PARP1: variants seen among roughly 807,000 people sequenced by gnomAD.
PARP1 encodes the protein poly [ADP-ribose] polymerase 1.
A neutral mutation model predicts 118.7 loss-of-function variants in PARP1; 44 were observed. The ratio of observed to expected loss-of-function variants is 0.37; its 90% CI spans 0.29 to 0.48. The LOEUF (loss-of-function observed/expected upper bound fraction) is 0.48. PARP1 is among the 20% of genes least tolerant of loss of function. The probability of loss-of-function intolerance (pLI) is 0.99; values close to 1 mark genes in which losing one functional copy is unlikely to be tolerated. For missense variants in PARP1, 1,100 were observed against 1,272.4 expected (o/e 0.86, Z 2.06); for synonymous variants, 492 against 483.2 (o/e 1.02, Z -0.24).
intron 13 of PARP1, among the ~76,000 whole-genome samples, chr1:226,374,615 C>G (rs144054503): frequency 1.3e-5 from 2 of 152,234 alleles, no homozygotes; most frequent in African/African-American, 4.8e-5. Flanking sequence ...ACTGCAGCGT[C>G]TGCATGGGCT....
intron 12 of PARP1, 112 bp downstream of exon 12, chr1:226,379,030 T>A: frequency 7.6e-7 from 1 of 1,320,340 alleles, no homozygotes; most frequent in African/African-American, 1.4e-5. Context: ...TGATTAGATT[T>A]CATTCCCCAG....
chr1:226,407,803 C>T lies in PARP1; in HGVS notation c.120+7G>A, dbSNP rs2102750230. On this transcript the variant is annotated splice_region_variant and intron_variant, in intron 1 of 22. Transcript: ENST00000366794. ...CCCCGCCCCGCCGCCCGCACAGCGG[C>T]CCGCACCTGCACCATGATGGCCATC... The T allele has an allele frequency of 6.4e-7, 1 of 1,561,194 alleles. No homozygotes were observed. Among genetic ancestry groups the T allele is most frequent in the Non-Finnish European group, 8.7e-7 (1 of 1,153,002 alleles).
chr1:226,363,759 T>C (rs752309), intron 20 of PARP1, among the ~76,000 whole-genome samples, 184 bp downstream of exon 20: 123,198 of 152,154 alleles, frequency 0.81, 50,378 homozygotes, highest in Middle Eastern at 0.87. Flanking sequence ...TGAAGTATCC[T>C]TGTATCTCCC....
intron 10 of PARP1, 54 bp from the exon 11 acceptor site, chr1:226,379,695 A>T (rs1664566937): frequency 2.1e-6 from 3 of 1,451,934 alleles, no homozygotes; most frequent in Non-Finnish European, 2.9e-6. Context: ...CTAAAAAGTA[A>T]GGGGAAGGTA....
At chr1:226,377,349 G>T in intron 12 of PARP1, 46 bp from the exon 13 acceptor site, 1 of 1,483,972 alleles carries the variant, frequency 6.7e-7, no homozygotes, top group Non-Finnish European at 9.4e-7. Context: ...TGGGTCAGCT[G>T]TCCCATTTCA....
Position 226,371,386 on chromosome 1 carries a change from C to G in PARP1, c.2071-869G>C, listed in dbSNP as rs535266894. 9.8e-5 allele frequency among the ~76,000 whole-genome samples: 15 copies of G among 152,306 alleles called. 1 individual carries two copies. The South Asian group carries it at 2.9e-3, about 29-fold the overall frequency. On this transcript the variant is annotated intron_variant, in intron 14 of 22. Coordinates refer to ENST00000366794, the MANE Select transcript of PARP1 (RefSeq NM_001618.4). ...TTCCTGCAGTGCTTGGAACAAAGAA[C>G]TGAACAAGAATCTTAGAAATGGAAC...
At position 226,362,773 on chromosome 1, in the gene PARP1, T is replaced by C. The variant is rs1664169368; in HGVS notation, c.2848+326A>G. ...ACTGGTGCCTGCACCAAGATTCTCC[T>C]GTGGCATCTGTGATACCAGCTGCAG... On this transcript the variant is annotated intron_variant, in intron 21 of 22. Coordinates refer to ENST00000366794, the MANE Select transcript of PARP1 (RefSeq NM_001618.4). Among the ~76,000 whole-genome samples, 5 of 152,300 alleles carry C rather than the reference T, an allele frequency of 3.3e-5. No homozygotes were observed. The South Asian group carries it at 1.0e-3, about 32-fold the overall frequency.
Position 226,392,869 on chromosome 1 carries a change from A to G in PARP1, c.287-555T>C. On this transcript the variant is annotated intron_variant, in intron 2 of 22. Coordinates refer to ENST00000366794, the MANE Select transcript of PARP1 (RefSeq NM_001618.4). ...GCTAGCCATTTGGGACAAAAACTGG[A>G]TTCTTCTCTTATTATAAAAATAAAT... 5 of 1,510,154 alleles carry G rather than the reference A, an allele frequency of 3.3e-6. No individual in the cohort carries two copies. The East Asian group carries it at 1.2e-4, about 36-fold the overall frequency. The allele number at this position is 1,510,154 out of a possible 1,614,324, so 93.5% of individuals were successfully genotyped here. A position where few individuals can be genotyped will look rare whatever the true frequency, so the allele number is the denominator to read the frequency against.
chr1:226,397,743 T>C (rs535085396), intron 2 of PARP1, among the ~76,000 whole-genome samples: 1 of 152,270 alleles, frequency 6.6e-6, no homozygotes, highest in East Asian at 1.9e-4. Flanking sequence ...GTTGGAGGAC[T>C]GACACTACCC....
rs766679261 is a variant in PARP1, at chr1:226,366,026, G to A, written c.2433C>T (p.Ala811=). ...TCTTAACATACTTCCTGATGATCTC[G>A]GCTTCTTCAGAATCTCTGTCAACCA... The part of the protein sequence containing the change: ...IKVVDRDSEE[A]EIIRKYVKNT... Residue 811 remains alanine (A), a synonymous_variant, in exon 18 of 23, where the codon GCC becomes GCT. Coordinates refer to ENST00000366794, the MANE Select transcript of PARP1 (RefSeq NM_001618.4). 28 of 1,612,972 alleles carry A rather than the reference G, an allele frequency of 1.7e-5. No individual in the cohort carries two copies. The highest frequency in any genetic ancestry group is 2.7e-5 in the African/African-American group (2 of 74,872).
At chr1:226,365,639 C>G (rs995306924) in intron 18 of PARP1, among the ~76,000 whole-genome samples, 2 of 152,136 alleles carry the variant, frequency 1.3e-5, no homozygotes, top group Admixed American at 6.5e-5. Context: ...TGGTGGCTCA[C>G]GCCTGTAATC....
rs565010551 is a variant in PARP1, at chr1:226,376,619, A to G, written c.1941+489T>C. ...CTACCACAATTCTCATTTAAGCTCT[A>G]TCTCATACTTCAAGGTGTTGACTGT... On this transcript the variant is annotated intron_variant, in intron 13 of 22. Transcript: ENST00000366794. 3.9e-5 allele frequency among the ~76,000 whole-genome samples: 6 copies of G among 152,352 alleles called. No individual in the cohort carries two copies. The East Asian group carries it at 5.8e-4, about 15-fold the overall frequency.
At chr1:226,369,688 C>T (rs1456881784) in intron 15 of PARP1, among the ~76,000 whole-genome samples, 1 of 152,160 alleles carries the variant, frequency 6.6e-6, no homozygotes, top group Non-Finnish European at 1.5e-5. Context: ...GGTGTGGTGG[C>T]TCATGCCTGT....
chr1:226,377,610 C>T (rs960803820), intron 12 of PARP1, among the ~76,000 whole-genome samples: 2 of 152,196 alleles, frequency 1.3e-5, no homozygotes, highest in African/African-American at 4.8e-5. Context: ...TTCTAGTCCT[C>T]TCCCCAAAGA....
intron 19 of PARP1, 74 bp downstream of exon 19, chr1:226,364,928 T>C: frequency 6.5e-7 from 1 of 1,547,306 alleles, no homozygotes; most frequent in Non-Finnish European, 8.9e-7. Flanking sequence ...CAACTAGACC[T>C]CTTGCTCAAA....
At chr1:226,407,321 TGA>T (rs530193657) in intron 1 of PARP1, among the ~76,000 whole-genome samples, 3 of 149,196 alleles carry the variant, frequency 2.0e-5, no homozygotes, top group African/African-American at 5.0e-5. Context: ...AAATAAAAAA[TGA>T]GAGTGAGCGT....
At chr1:226,397,153 T>TAAAA (rs3046773) in intron 2 of PARP1, among the ~76,000 whole-genome samples, 2 of 126,168 alleles carry the variant, frequency 1.6e-5, no homozygotes, top group African/African-American at 5.9e-5. Flanking sequence ...GTCTCTATCT[T>TAAAA]AAAAAAAAAA....
chr1:226,375,660 G>A (rs913483121), intron 13 of PARP1, among the ~76,000 whole-genome samples: 12 of 152,302 alleles, frequency 7.9e-5, no homozygotes, highest in East Asian at 1.9e-4. Flanking sequence ...TATTGATCAG[G>A]TGTTGAAATT....
chr1:226,379,363 C>G, intron 11 of PARP1, 89 bp from the exon 12 acceptor site: 1 of 1,526,080 alleles, frequency 6.6e-7, no homozygotes, highest in Non-Finnish European at 9.1e-7. Context: ...CTGAGGTTCA[C>G]GCCTCTTGGA....
Sources: allele counts gnomAD v4.1 joint callset (sites outside exome capture counted in the v4.1 genomes callset), GRCh38; gene constraint gnomAD v4.1.1; transcripts MANE v1.5; gene names NCBI Gene and HGNC (gene_info 2026-07-23, HGNC 2026-07-21).